Variants in HPSE2 observed in about 807,000 individuals in gnomAD.
HPSE2 encodes the protein heparanase 2 (inactive), also known as inactive heparanase-2.
In HPSE2, 38 loss-of-function variants were observed where a neutral mutation model predicts 60.5. The ratio of observed to expected loss-of-function variants is 0.63; its 90% CI spans 0.48 to 0.82. The LOEUF (loss-of-function observed/expected upper bound fraction) is 0.82. Ranked by LOEUF, HPSE2 falls within the 40% of genes least tolerant of loss-of-function variation. HPSE2 has a pLI of 0.00. For missense variants in HPSE2, 713 were observed against 740.4 expected, an observed-to-expected ratio of 0.96 and a Z score of 0.43; for synonymous variants, 295 against 293.2, an observed-to-expected ratio of 1.01 and a Z score of -0.06.
chr10:98,793,947 A>G (rs1419224844), intron 3 of HPSE2, among the ~76,000 whole-genome samples: 1 of 152,224 alleles, frequency 6.6e-6, no homozygotes, highest in Non-Finnish European at 1.5e-5. Flanking sequence ...CCAAGAGGCA[A>G]GTTGGAGCTG....
chr10:98,716,178 G>A (rs1948784399), intron 5 of HPSE2, among the ~76,000 whole-genome samples: 1 of 151,914 alleles, frequency 6.6e-6, no homozygotes. Context: ...TCATGAGATT[G>A]CAACAATCGA....
intron 3 of HPSE2, among the ~76,000 whole-genome samples, chr10:99,030,305 C>T (rs1435262129): frequency 2.6e-5 from 4 of 152,106 alleles, no homozygotes; most frequent in African/African-American, 9.7e-5. Flanking sequence ...TGGCTTGCTG[C>T]CCACAAATCC....
chr10:99,276,108 G>A, the HPSE2 span, among the ~76,000 whole-genome samples: 1 of 152,168 alleles, frequency 6.6e-6, no homozygotes, highest in African/African-American at 2.4e-5. Context: ...TGCTTCGCCT[G>A]TAGTAAATGC....
intron 9 of HPSE2, among the ~76,000 whole-genome samples, chr10:98,499,358 A>C (rs1217560387): frequency 6.6e-6 from 1 of 152,206 alleles, no homozygotes; most frequent in Non-Finnish European, 1.5e-5. Flanking sequence ...CAGCCTCCTG[A>C]AACAAAACAA....
chr10:98,461,981 G>A (rs974169396), intron 11 of HPSE2, among the ~76,000 whole-genome samples: 2 of 152,148 alleles, frequency 1.3e-5, no homozygotes, highest in South Asian at 2.1e-4. Context: ...CTGAAATCTC[G>A]AATTCCAGGA....
intron 3 of HPSE2, among the ~76,000 whole-genome samples, chr10:98,835,292 A>G (rs1951766288): frequency 6.6e-6 from 1 of 152,204 alleles, no homozygotes; most frequent in South Asian, 2.1e-4. Flanking sequence ...GAATTCTTCC[A>G]CAAGCAAACT....
chr10:98,931,348 A>T (rs1037001919), intron 3 of HPSE2, among the ~76,000 whole-genome samples: 1 of 144,188 alleles, frequency 6.9e-6, no homozygotes, highest in Admixed American at 6.9e-5. Context: ...TTGTACCAGT[A>T]CCATGCTATT....
At chr10:99,302,874 G>T in the HPSE2 span, among the ~76,000 whole-genome samples, 1 of 150,874 alleles carries the variant, frequency 6.6e-6, no homozygotes, top group African/African-American at 2.4e-5. Flanking sequence ...ATACCCTGGG[G>T]AGGACTGGCA....
chr10:98,697,551 C>T (rs10883167), intron 5 of HPSE2, among the ~76,000 whole-genome samples: 89,980 of 151,940 alleles, frequency 0.59, 27,170 homozygotes, highest in South Asian at 0.78. Context: ...CTGAAAGAGA[C>T]GGGGAAAATG....
chr10:99,073,173 C>T (rs904954083), intron 3 of HPSE2, among the ~76,000 whole-genome samples: 15 of 152,052 alleles, frequency 9.9e-5, no homozygotes, highest in Admixed American at 9.2e-4. Context: ...GATGAAGGCA[C>T]GTGTATGTTC....
intron 3 of HPSE2, among the ~76,000 whole-genome samples, chr10:98,914,422 A>G (rs1954062697): frequency 6.6e-6 from 1 of 151,932 alleles, no homozygotes; most frequent in African/African-American, 2.4e-5. Flanking sequence ...AGGTAAAATA[A>G]AAAACACTAT....
At position 98,726,945 on chromosome 10, in the gene HPSE2, G is replaced by A. The variant is rs546112085; in HGVS notation, c.785-5117C>T. Among the ~76,000 whole-genome samples the A allele has an allele frequency of 3.6e-4, 55 of 152,274 alleles. 2 individuals are homozygous for A. The South Asian group carries it at 0.011, about 32-fold the overall frequency. On this transcript the variant is annotated intron_variant, in intron 4 of 11. Coordinates refer to ENST00000370552, the MANE Select transcript of HPSE2 (RefSeq NM_021828.5). Reference sequence around the variant, plus strand: ...TTTAATGTGTTTCCCAACCAACACAGAGATGCACTGGCAAAAGGTGGAAGG... The same window carrying A: ...TTTAATGTGTTTCCCAACCAACACAAAGATGCACTGGCAAAAGGTGGAAGG...
At chr10:98,468,529 G>C (rs1251406162) in intron 11 of HPSE2, among the ~76,000 whole-genome samples, 2 of 152,052 alleles carry the variant, frequency 1.3e-5, no homozygotes, top group African/African-American at 4.8e-5. Flanking sequence ...GACCTCACCT[G>C]ATAACAAGCT....
rs34799799 is a variant in HPSE2 at position 99,083,966 on chromosome 10, C to CTTT, written c.610+60269_610+60271dup. Among the ~76,000 whole-genome samples the CTTT allele has an allele frequency of 3.4e-3, 274 of 79,758 alleles. 9 individuals are homozygous for CTTT. Among genetic ancestry groups the CTTT allele is most frequent in the African/African-American group, 5.9e-3 (116 of 19,808 alleles). 52.3% of individuals were successfully genotyped at this position (79,758 alleles called of 152,430 possible). ...AAACCATATGGGAATGTGTGAAAGCCTTTTTTTTTTTTTTTTTTTTTTTTT... is the reference window on the plus strand; with the variant it reads ...AAACCATATGGGAATGTGTGAAAGCCTTTTTTTTTTTTTTTTTTTTTTTTTTTT... On this transcript the variant is annotated intron_variant, in intron 3 of 11. Transcript: ENST00000370552.
chr10:98,982,053 A>C (rs1367793173), intron 3 of HPSE2, among the ~76,000 whole-genome samples: 2 of 150,748 alleles, frequency 1.3e-5, no homozygotes, highest in Non-Finnish European at 3.0e-5. Flanking sequence ...TTTTTTTTTC[A>C]AAAATTAGAT....
chr10:98,965,634 C>T (rs534378399), intron 3 of HPSE2, among the ~76,000 whole-genome samples: 9 of 152,256 alleles, frequency 5.9e-5, no homozygotes, highest in African/African-American at 2.2e-4. Context: ...TCTACACCTA[C>T]ACAAATATTA....
intron 3 of HPSE2, among the ~76,000 whole-genome samples, chr10:98,771,122 C>T (rs1950231653): frequency 6.6e-6 from 1 of 152,020 alleles, no homozygotes; most frequent in South Asian, 2.1e-4. Context: ...TAACTAATGG[C>T]TAAATGGGAG....
At chr10:99,167,465 G>T (rs1194758479) in intron 2 of HPSE2, among the ~76,000 whole-genome samples, 1 of 152,156 alleles carries the variant, frequency 6.6e-6, no homozygotes, top group East Asian at 1.9e-4. Flanking sequence ...ATGTAGCAAG[G>T]TTTATCTTTT....
At chr10:98,459,834 A>G (rs1037039775) in intron 11 of HPSE2, 95 bp from the exon 12 acceptor site, 3 of 1,118,610 alleles carry the variant, frequency 2.7e-6, no homozygotes, top group African/African-American at 3.1e-5. Context: ...AGTGTCTGAT[A>G]CACACACACA....
Sources: allele counts gnomAD v4.1 joint callset (sites outside exome capture counted in the v4.1 genomes callset), GRCh38; gene constraint gnomAD v4.1.1; transcripts MANE v1.5; gene names NCBI Gene and HGNC (gene_info 2026-07-23, HGNC 2026-07-21).